PBX3: variants seen among roughly 807,000 people sequenced by gnomAD.
PBX3 encodes the protein PBX homeobox 3.
PBX3 carries 14 observed loss-of-function variants against 48.5 expected under a neutral mutation model. The observed-to-expected ratio is 0.29, with a 90% confidence interval of 0.19 to 0.45. The LOEUF is 0.45. Among genes scored for constraint, PBX3 ranks in the 20% least tolerant of loss-of-function variants. The probability of loss-of-function intolerance (pLI) is 1.00; values close to 1 mark genes in which losing one functional copy is unlikely to be tolerated. For synonymous variants in PBX3, 210 were observed against 200.3 expected (o/e 1.05, Z -0.41); for missense variants, 386 against 546.7 (o/e 0.71, Z 2.93).
At chr9:125,881,215 A>G (rs1054696151) in intron 2 of PBX3, among the ~76,000 whole-genome samples, 1 of 152,230 alleles carries the variant, frequency 6.6e-6, no homozygotes, top group Admixed American at 6.5e-5. Flanking sequence ...CATAAACCCT[A>G]ATTAGCCAGA....
intron 2 of PBX3, among the ~76,000 whole-genome samples, chr9:125,815,350 C>T (rs1838428254): frequency 6.6e-6 from 1 of 152,106 alleles, no homozygotes; most frequent in Non-Finnish European, 1.5e-5. Context: ...GCTAGTTACC[C>T]ACCATAAATT....
chr9:125,870,664 G>A (rs1003481693), intron 2 of PBX3, among the ~76,000 whole-genome samples: 1 of 152,196 alleles, frequency 6.6e-6, no homozygotes, highest in Non-Finnish European at 1.5e-5. Flanking sequence ...CTATCACCAT[G>A]TAAAATAATA....
At chr9:125,755,314 AAC>A (rs1446102653) in intron 2 of PBX3, among the ~76,000 whole-genome samples, 3 of 152,164 alleles carry the variant, frequency 2.0e-5, no homozygotes, top group Admixed American at 2.0e-4. Flanking sequence ...AATTATCTGC[AAC>A]AGTCTAAATT....
intron 2 of PBX3, among the ~76,000 whole-genome samples, chr9:125,910,736 G>C (rs181456989): frequency 6.7e-6 from 1 of 150,148 alleles, no homozygotes; most frequent in East Asian, 2.0e-4. Context: ...TGGGCTTTGG[G>C]GCCATGAGTT....
intron 2 of PBX3, among the ~76,000 whole-genome samples, chr9:125,873,694 C>T (rs548947154): frequency 6.6e-6 from 1 of 152,076 alleles, no homozygotes; most frequent in South Asian, 2.1e-4. Context: ...ATGACTAAAG[C>T]TTTATATTAT....
chr9:125,849,573 C>A (rs962878332), intron 2 of PBX3, among the ~76,000 whole-genome samples: 1 of 151,918 alleles, frequency 6.6e-6, no homozygotes, highest in African/African-American at 2.4e-5. Context: ...CTTCCCTCCT[C>A]ATTTTAGCAT....
At chr9:125,866,016 A>T (rs1839972070) in intron 2 of PBX3, among the ~76,000 whole-genome samples, 1 of 150,894 alleles carries the variant, frequency 6.6e-6, no homozygotes, top group African/African-American at 2.4e-5. Flanking sequence ...ATTATAAAAG[A>T]GTCTTTGCTA....
chr9:125,812,094 C>A (rs963016421), intron 2 of PBX3, among the ~76,000 whole-genome samples: 1 of 152,214 alleles, frequency 6.6e-6, no homozygotes, highest in South Asian at 2.1e-4. Context: ...TCACCAGATA[C>A]TTAATCCACA....
chr9:125,926,734 C>T (rs554892694), intron 3 of PBX3, among the ~76,000 whole-genome samples: 1 of 152,226 alleles, frequency 6.6e-6, no homozygotes, highest in East Asian at 1.9e-4. Flanking sequence ...GCAGGAGAAT[C>T]GCTTGAACTT....
intron 5 of PBX3, among the ~76,000 whole-genome samples, chr9:125,957,893 A>G (rs1463369828): frequency 6.6e-6 from 1 of 152,200 alleles, no homozygotes; most frequent in African/African-American, 2.4e-5. Context: ...GAAACGCTAG[A>G]GTGATAATTA....
intron 2 of PBX3, among the ~76,000 whole-genome samples, chr9:125,761,229 G>C (rs564568761): frequency 2.7e-5 from 4 of 149,804 alleles, no homozygotes; most frequent in African/African-American, 9.8e-5. Context: ...TTTTTTGCTA[G>C]ATCCTTTAGC....
At position 125,889,078 on chromosome 9, in the gene PBX3, G is replaced by A. The variant is rs186011719; in HGVS notation, c.275-26608G>A. Among the ~76,000 whole-genome samples the A allele has an allele frequency of 5.9e-5, 9 of 152,298 alleles. No homozygotes were observed. In the East Asian group the frequency reaches 1.3e-3, roughly 23 times the overall value. The stretch of plus-strand genomic sequence containing the variant: ...AGTGACCACGTATTACAATAAAATG[G>A]CCTTAACGTAATTTGGAAGTGGATA... On this transcript the variant is annotated intron_variant, in intron 2 of 8. Coordinates refer to ENST00000373489, the MANE Select transcript of PBX3 (RefSeq NM_006195.6).
chr9:125,815,995 C>T lies in PBX3; in HGVS notation c.274+67372C>T, dbSNP rs367928036. Among the ~76,000 whole-genome samples the T allele has an allele frequency of 9.2e-5, 14 of 151,998 alleles. No individual in the cohort carries two copies. In the East Asian group the frequency reaches 1.2e-3, roughly 13 times the overall value. ...CCTACTCTTTCTCTCTGCCTCCCTC[C>T]GTCTCTCTCTCTCTCTTTTTGTTTT... On this transcript the variant is annotated intron_variant, in intron 2 of 8. Transcript: ENST00000373489.
At chr9:125,964,765 C>T (rs1175889196) in intron 8 of PBX3, among the ~76,000 whole-genome samples, 2 of 152,120 alleles carry the variant, frequency 1.3e-5, no homozygotes, top group Non-Finnish European at 2.9e-5. Context: ...CTAGGCTGGG[C>T]AGGGAATCTA....
chr9:125,875,770 G>C (rs1487410160), intron 2 of PBX3, among the ~76,000 whole-genome samples: 1 of 152,058 alleles, frequency 6.6e-6, no homozygotes, highest in African/African-American at 2.4e-5. Flanking sequence ...CTCTAGTCTG[G>C]AATTTTTTGC....
chr9:125,932,191 G>A (rs1013626968), intron 4 of PBX3, among the ~76,000 whole-genome samples: 4 of 152,148 alleles, frequency 2.6e-5, no homozygotes, highest in African/African-American at 4.8e-5. Context: ...AATGGAGCCC[G>A]GAATGGAACC....
chr9:125,858,555 G>T (rs1839780722), intron 2 of PBX3, among the ~76,000 whole-genome samples: 2 of 151,298 alleles, frequency 1.3e-5, no homozygotes, highest in East Asian at 3.9e-4. Context: ...CCATTCAAAA[G>T]TGGTATTTCC....
chr9:125,909,467 A>C (rs1355385366), intron 2 of PBX3, among the ~76,000 whole-genome samples: 1 of 152,128 alleles, frequency 6.6e-6, no homozygotes, highest in Non-Finnish European at 1.5e-5. Flanking sequence ...TACTTTTTTG[A>C]TGGCTCCAAG....
chr9:125,794,663 G>A (rs1376522304), intron 2 of PBX3, among the ~76,000 whole-genome samples: 3 of 147,892 alleles, frequency 2.0e-5, no homozygotes, highest in African/African-American at 7.4e-5. Flanking sequence ...TCAGGATTAT[G>A]TTTGGTCTAT....
Sources: gnomAD v4.1 joint callset for allele counts (sites outside exome capture counted in the v4.1 genomes callset) on GRCh38, gnomAD v4.1.1 for gene constraint, MANE v1.5 for transcripts, NCBI Gene and HGNC (gene_info 2026-07-23, HGNC 2026-07-21) for gene names.